CHODL: variants seen among roughly 807,000 people sequenced by gnomAD.
CHODL encodes transmembrane protein MT75.
In CHODL, 29 loss-of-function variants were observed where a neutral mutation model predicts 34.5. The ratio of observed to expected loss-of-function variants is 0.84; its 90% CI spans 0.63 to 1.15. The LOEUF (loss-of-function observed/expected upper bound fraction) is 1.15. Ranked by LOEUF, CHODL falls within the 50% of genes most tolerant of loss-of-function variation. CHODL has a pLI of 0.00. For missense variants in CHODL, 332 were observed against 332.5 expected, an observed-to-expected ratio of 1.00 and a Z score of 0.01; for synonymous variants, 125 against 116.1, an observed-to-expected ratio of 1.08 and a Z score of -0.49.
chr21:17,995,968 C>A (rs1008208251), intron 1 of CHODL, among the ~76,000 whole-genome samples: 4 of 152,190 alleles, frequency 2.6e-5, no homozygotes, highest in African/African-American at 9.7e-5. Flanking sequence ...TCAATATGAT[C>A]ACTCAATTAT....
intron 2 of CHODL, among the ~76,000 whole-genome samples, chr21:18,080,373 G>A (rs1362523236): frequency 6.6e-6 from 1 of 152,052 alleles, no homozygotes; most frequent in Non-Finnish European, 1.5e-5. Flanking sequence ...TGTAGCATTT[G>A]TTTTTGAAGA....
chr21:18,147,730 T>C (rs188974990), intron 2 of CHODL, among the ~76,000 whole-genome samples: 1 of 152,384 alleles, frequency 6.6e-6, no homozygotes, highest in African/African-American at 2.4e-5. Context: ...ATAGACAGTA[T>C]GTAAACAAAT....
At chr21:18,260,363 G>C in intron 4 of CHODL, 77 bp downstream of exon 4, 1 of 907,474 alleles carries the variant, frequency 1.1e-6, no homozygotes, top group Non-Finnish European at 1.7e-6. Flanking sequence ...TGACCCCAGT[G>C]AAACTTGTCT....
intron 1 of CHODL, among the ~76,000 whole-genome samples, chr21:17,941,110 C>A (rs1051255992): frequency 1.8e-4 from 28 of 151,970 alleles, no homozygotes; most frequent in African/African-American, 6.8e-4. Flanking sequence ...TCTTTATGTG[C>A]CCTGTTTCAT....
intron 2 of CHODL, among the ~76,000 whole-genome samples, chr21:18,060,269 A>G (rs1427467621): frequency 6.6e-6 from 1 of 152,062 alleles, no homozygotes; most frequent in Non-Finnish European, 1.5e-5. Context: ...AGCCTGGGCA[A>G]CATGGCAAAA....
intron 2 of CHODL, among the ~76,000 whole-genome samples, chr21:18,183,311 C>T (rs548663477): frequency 1.3e-5 from 2 of 152,242 alleles, no homozygotes; most frequent in African/African-American, 4.8e-5. Context: ...TCCTGCTTTC[C>T]GGAAATTTAA....
chr21:18,001,758 C>T (rs1461530733), intron 1 of CHODL, among the ~76,000 whole-genome samples: 8 of 146,720 alleles, frequency 5.5e-5, no homozygotes, highest in Admixed American at 6.9e-5. Context: ...TCATGCCATA[C>T]GTTGGCCTCA....
chr21:17,984,936 A>C (rs197548), intron 1 of CHODL, among the ~76,000 whole-genome samples: 85,525 of 151,920 alleles, frequency 0.56, 24,747 homozygotes, highest in African/African-American at 0.69. Context: ...TCTATTGATA[A>C]ATTGTGTAGT....
At chr21:18,069,932 C>G (rs993016400) in intron 2 of CHODL, among the ~76,000 whole-genome samples, 2 of 150,442 alleles carry the variant, frequency 1.3e-5, no homozygotes, top group African/African-American at 4.9e-5. Context: ...TCCTCCCTCT[C>G]TCCCTCCCTC....
At chr21:18,228,091 A>G (rs984240192) in intron 2 of CHODL, among the ~76,000 whole-genome samples, 3 of 152,170 alleles carry the variant, frequency 2.0e-5, no homozygotes, top group Admixed American at 6.6e-5. Flanking sequence ...TTTAAAAACT[A>G]TTGACATTAA....
chr21:18,030,147 A>G (rs2064230464), intron 2 of CHODL, among the ~76,000 whole-genome samples: 1 of 152,074 alleles, frequency 6.6e-6, no homozygotes, highest in Admixed American at 6.6e-5. Context: ...GATATGGCAA[A>G]AGTGATGGGA....
At chr21:18,251,624 T>C (rs1329385849) in intron 1 of CHODL, among the ~76,000 whole-genome samples, 40 of 118,216 alleles carry the variant, frequency 3.4e-4, no homozygotes, top group Admixed American at 1.2e-3. Flanking sequence ...ATAAAATATT[T>C]ATTTTATTTA....
At chr21:17,954,229 T>G (rs1221263580) in intron 1 of CHODL, among the ~76,000 whole-genome samples, 3 of 152,248 alleles carry the variant, frequency 2.0e-5, no homozygotes, top group East Asian at 3.9e-4. Flanking sequence ...GGCATAAAAG[T>G]CTTAAGTATA....
chr21:18,145,435 C>CAAAAAAAAAAAAA lies in CHODL; in HGVS notation c.-44-111064_-44-111052dup, dbSNP rs10671177. 8.2e-5 allele frequency among the ~76,000 whole-genome samples: 5 copies of CAAAAAAAAAAAAA among 60,886 alleles called. 2 individuals are homozygous for CAAAAAAAAAAAAA. The highest frequency in any genetic ancestry group is 2.1e-4 in the African/African-American group (4 of 18,940). 39.9% of individuals were successfully genotyped at this position (60,886 alleles called of 152,430 possible). ...CTAGGGGACGAGTGAGACTACCTTT[C>CAAAAAAAAAAAAA]AAAAAAAAAAAAAAAAAAAAAAGCG... On this transcript the variant is annotated intron_variant, in intron 2 of 6. Coordinates refer to the CHODL transcript ENST00000400127.
At chr21:17,956,058 G>T (rs2063491857) in intron 1 of CHODL, among the ~76,000 whole-genome samples, 1 of 136,450 alleles carries the variant, frequency 7.3e-6, no homozygotes, top group East Asian at 2.2e-4. Flanking sequence ...CGAGTCAAAA[G>T]AGAAGCATCT....
chr21:17,972,907 G>A (rs1026513126), intron 1 of CHODL, among the ~76,000 whole-genome samples: 1 of 152,124 alleles, frequency 6.6e-6, no homozygotes, highest in Non-Finnish European at 1.5e-5. Flanking sequence ...CAATGTGACA[G>A]TAACCAAAAC....
intron 2 of CHODL, among the ~76,000 whole-genome samples, chr21:18,122,230 A>C (rs1407382136): frequency 6.6e-6 from 1 of 152,204 alleles, no homozygotes; most frequent in African/African-American, 2.4e-5. Context: ...GATCAAAATA[A>C]TATACGTCAG....
At chr21:18,257,741 A>G (rs1362404019) in intron 3 of CHODL, among the ~76,000 whole-genome samples, 4 of 152,198 alleles carry the variant, frequency 2.6e-5, no homozygotes, top group Non-Finnish European at 5.9e-5. Flanking sequence ...ACTACTTGTC[A>G]TATGCAGCAA....
At chr21:18,053,926 ATG>A (rs1431075760) in intron 2 of CHODL, among the ~76,000 whole-genome samples, 3 of 135,758 alleles carry the variant, frequency 2.2e-5, no homozygotes, top group Non-Finnish European at 5.3e-5. Context: ...TATGACATAA[ATG>A]TGTATAATTT....
Sources: gnomAD v4.1 joint callset for allele counts (sites outside exome capture counted in the v4.1 genomes callset) on GRCh38, gnomAD v4.1.1 for gene constraint, MANE v1.5 for transcripts, NCBI Gene and HGNC (gene_info 2026-07-23, HGNC 2026-07-21) for gene names.